SLC25A21: variants seen among roughly 807,000 people sequenced by gnomAD.
The protein encoded by SLC25A21 is mitochondrial 2-oxodicarboxylate carrier.
A neutral mutation model predicts 43.8 loss-of-function variants in SLC25A21; 47 were observed. That is an observed-to-expected ratio of 1.07 (90% CI 0.85 to 1.37). The LOEUF (loss-of-function observed/expected upper bound fraction) is 1.37, where lower values mean the gene tolerates loss of function less well. Ranked by LOEUF, SLC25A21 falls within the 40% of genes most tolerant of loss-of-function variation. The probability of loss-of-function intolerance (pLI) is 0.00; values close to 1 mark genes in which losing one functional copy is unlikely to be tolerated. For missense variants in SLC25A21, 352 were observed against 350.2 expected (o/e 1.00, Z -0.04); for synonymous variants, 131 against 121.3 (o/e 1.08, Z -0.52).
At chr14:37,161,012 C>G (rs868225034) in intron 1 of SLC25A21, among the ~76,000 whole-genome samples, 363 of 81,826 alleles carry the variant, frequency 4.4e-3, no homozygotes, top group Middle Eastern at 6.3e-3. Flanking sequence ...GTGGAGGGGG[C>G]GGGGGGGAGG....
At chr14:36,912,817 C>T (rs712393) in intron 1 of SLC25A21, among the ~76,000 whole-genome samples, 114,619 of 152,062 alleles carry the variant, frequency 0.75, 44,182 homozygotes, top group African/African-American at 0.89. Context: ...TTATCTTGCA[C>T]ACAATGGATC....
chr14:37,069,126 G>A (rs538409926), intron 1 of SLC25A21, among the ~76,000 whole-genome samples: 272 of 151,852 alleles, frequency 1.8e-3, no homozygotes, highest in South Asian at 3.5e-3. Context: ...GCAGTGAGCC[G>A]AGATCATGCC....
At chr14:37,159,483 T>C (rs1437782042) in intron 1 of SLC25A21, among the ~76,000 whole-genome samples, 2 of 152,020 alleles carry the variant, frequency 1.3e-5, no homozygotes, top group Non-Finnish European at 2.9e-5. Context: ...GGGGAAAGAA[T>C]ACGCTCTTCA....
chr14:36,898,232 G>A (rs1891299535), intron 1 of SLC25A21, among the ~76,000 whole-genome samples: 1 of 152,180 alleles, frequency 6.6e-6, no homozygotes, highest in Admixed American at 6.5e-5. Context: ...CCTCAGCAAT[G>A]GCAGGCGCCC....
chr14:36,824,974 T>C (rs77482396), intron 2 of SLC25A21, among the ~76,000 whole-genome samples: 1,624 of 152,116 alleles, frequency 0.011, 21 homozygotes, highest in African/African-American at 0.036. Flanking sequence ...TAGGAGGTTT[T>C]AGATGCAGGT....
At chr14:36,841,119 G>A (rs1458458796) in intron 2 of SLC25A21, among the ~76,000 whole-genome samples, 1 of 152,122 alleles carries the variant, frequency 6.6e-6, no homozygotes, top group East Asian at 1.9e-4. Flanking sequence ...TATAACTGAA[G>A]TATCAACATG....
At chr14:36,843,559 T>A (rs1411740065) in intron 2 of SLC25A21, among the ~76,000 whole-genome samples, 1 of 152,208 alleles carries the variant, frequency 6.6e-6, no homozygotes, top group East Asian at 1.9e-4. Flanking sequence ...TCACTCTGTA[T>A]ATCTATCAAT....
chr14:36,872,409 G>A (rs917560181), intron 2 of SLC25A21, among the ~76,000 whole-genome samples: 1 of 152,114 alleles, frequency 6.6e-6, no homozygotes, highest in African/African-American at 2.4e-5. Flanking sequence ...GTATGAATTT[G>A]TTTCTATTTA....
Position 36,683,931 on chromosome 14 carries a change from T to C in SLC25A21, c.786-51A>G, listed in dbSNP as rs575247093. The C allele has an allele frequency of 9.9e-6, 14 of 1,420,342 alleles. No individual in the cohort carries two copies. In the South Asian group the frequency reaches 1.8e-4, roughly 18 times the overall value. The allele number at this position is 1,420,342 out of a possible 1,614,324, so 88.0% of individuals were successfully genotyped here. On this transcript the variant is annotated intron_variant, in intron 8 of 9. Coordinates refer to ENST00000331299, the MANE Select transcript of SLC25A21 (RefSeq NM_030631.4). ...GTTCTTATTCTGAAAATAAATGGAG[T>C]TGTACCTTAGCTTTATTGAGATAGG... is the stretch of plus-strand genomic sequence containing the variant.
At chr14:36,856,481 G>A (rs74604331) in intron 2 of SLC25A21, among the ~76,000 whole-genome samples, 1,839 of 152,200 alleles carry the variant, frequency 0.012, 37 homozygotes, top group African/African-American at 0.042. Flanking sequence ...GTGGGCACTG[G>A]GGAGGACAAC....
intron 2 of SLC25A21, among the ~76,000 whole-genome samples, chr14:36,822,895 C>T (rs929040355): frequency 2.0e-5 from 3 of 152,172 alleles, no homozygotes; most frequent in African/African-American, 7.2e-5. Context: ...ATAAATAGTT[C>T]ATCATTTTGT....
rs147186910 is a variant in SLC25A21 at position 36,679,542 on chromosome 14, A to T, written c.*1116T>A. 9.1e-3 allele frequency: 9,015 copies of T among 985,380 alleles called. 62 individuals are homozygous for T. The highest frequency in any genetic ancestry group is 0.01 in the Non-Finnish European group (8,524 of 829,890). The allele number at this position is 985,380 out of a possible 1,614,324, so 61.0% of individuals were successfully genotyped here. On this transcript the variant is annotated 3_prime_UTR_variant, in exon 10 of 10. Transcript: ENST00000331299. ...TAAAATCAAGTTTGGTTACATCAAGACCAAGGAGATATTTTTGTTGATACA... is the reference window on the plus strand; with the variant it reads ...TAAAATCAAGTTTGGTTACATCAAGTCCAAGGAGATATTTTTGTTGATACA...
At chr14:36,736,096 C>T (rs1002237584) in intron 3 of SLC25A21, among the ~76,000 whole-genome samples, 3 of 151,668 alleles carry the variant, frequency 2.0e-5, no homozygotes, top group South Asian at 2.1e-4. Context: ...CCACCACGCC[C>T]GGCTAATTTT....
At chr14:36,801,745 G>C (rs1887875362) in intron 3 of SLC25A21, among the ~76,000 whole-genome samples, 1 of 152,022 alleles carries the variant, frequency 6.6e-6, no homozygotes, top group African/African-American at 2.4e-5. Context: ...ATGTTCTTTT[G>C]CTTTTACTTA....
intron 1 of SLC25A21, among the ~76,000 whole-genome samples, chr14:36,940,202 C>T (rs1000535546): frequency 2.6e-5 from 4 of 152,056 alleles, no homozygotes; most frequent in African/African-American, 9.7e-5. Context: ...CATTACTTTT[C>T]CATATAACTA....
At chr14:36,772,396 T>C (rs1373361502) in intron 3 of SLC25A21, among the ~76,000 whole-genome samples, 1 of 152,250 alleles carries the variant, frequency 6.6e-6, no homozygotes, top group Non-Finnish European at 1.5e-5. Context: ...TTTCCAAGAA[T>C]GATTTCTTTT....
At chr14:37,000,581 T>C (rs1960466309) in intron 1 of SLC25A21, among the ~76,000 whole-genome samples, 1 of 152,142 alleles carries the variant, frequency 6.6e-6, no homozygotes, top group Admixed American at 6.6e-5. Context: ...TCCTGCTTTG[T>C]GGTCTCTGAT....
intron 1 of SLC25A21, among the ~76,000 whole-genome samples, chr14:36,957,366 T>C (rs1000826888): frequency 2.0e-5 from 3 of 152,210 alleles, no homozygotes; most frequent in Non-Finnish European, 4.4e-5. Flanking sequence ...TGAAACAGGC[T>C]GAATGCAGCT....
At chr14:36,700,455 A>G (rs1594501840) in intron 7 of SLC25A21, among the ~76,000 whole-genome samples, 1 of 152,352 alleles carries the variant, frequency 6.6e-6, no homozygotes. Context: ...GAGGACTGGA[A>G]GCCATGTCAC....
Sources: allele counts gnomAD v4.1 joint callset (sites outside exome capture counted in the v4.1 genomes callset), GRCh38; gene constraint gnomAD v4.1.1; transcripts MANE v1.5; gene names NCBI Gene and HGNC (gene_info 2026-07-23, HGNC 2026-07-21).